CDH13: variants seen among roughly 807,000 people sequenced by gnomAD.
CDH13 encodes the protein cadherin 13, also known as cadherin-13.
Under a neutral mutation model 63.8 loss-of-function variants are expected in CDH13, and 24 were observed. The ratio of observed to expected loss-of-function variants is 0.38; its 90% CI spans 0.27 to 0.53. The LOEUF (loss-of-function observed/expected upper bound fraction) is 0.53. CDH13 is among the 20% of genes least tolerant of loss of function. The pLI is 0.85. For missense variants in CDH13, 1,049 were observed against 903.1 expected (o/e 1.16, Z -2.07); for synonymous variants, 503 against 355.3 (o/e 1.42, Z -4.67).
chr16:83,418,576 T>C (rs2151466852), intron 6 of CDH13, among the ~76,000 whole-genome samples: 1 of 152,312 alleles, frequency 6.6e-6, no homozygotes, highest in East Asian at 1.9e-4. Context: ...TCCGATGTCT[T>C]GGACATTTGC....
chr16:83,047,924 G>T lies in CDH13; in HGVS notation c.366+15706G>T, dbSNP rs566002207. ...GGGAGACTATGTGTGACCAGCACAG[G>T]GTCATACATCTAGAATATTTTGGAG... On this transcript the variant is annotated intron_variant, in intron 3 of 13. Coordinates refer to ENST00000567109, the MANE Select transcript of CDH13 (RefSeq NM_001257.5). The surrounding 1 kb of genome is among the most constrained non-coding windows in gnomAD (Gnocchi z 4.9). Among the ~76,000 whole-genome samples, 7 of 152,080 alleles carry T rather than the reference G, an allele frequency of 4.6e-5. No homozygotes were observed. The highest frequency in any genetic ancestry group is 1.7e-4 in the African/African-American group (7 of 41,470).
At chr16:83,021,860 T>C (rs1030621736) in intron 2 of CDH13, among the ~76,000 whole-genome samples, 2 of 152,166 alleles carry the variant, frequency 1.3e-5, no homozygotes, top group Admixed American at 6.6e-5. Flanking sequence ...CCAATACGCA[T>C]GTTCAGGAAG....
intron 4 of CDH13, among the ~76,000 whole-genome samples, chr16:83,148,949 T>G (rs1194842557): frequency 1.3e-5 from 2 of 152,180 alleles, no homozygotes; most frequent in Admixed American, 6.5e-5. Flanking sequence ...TAAATTAAGG[T>G]AATTGAAAAC....
At chr16:83,709,343 A>T (rs1347382599) in intron 10 of CDH13, among the ~76,000 whole-genome samples, 1 of 152,202 alleles carries the variant, frequency 6.6e-6, no homozygotes, top group Non-Finnish European at 1.5e-5. Flanking sequence ...GGAACCTGAG[A>T]TATTAACCTT....
intron 2 of CDH13, among the ~76,000 whole-genome samples, chr16:82,972,438 T>C (rs565802630): frequency 6.9e-4 from 105 of 152,302 alleles, no homozygotes; most frequent in African/African-American, 2.5e-3. Flanking sequence ...GCCCAGCATC[T>C]CATCTCTTCT....
intron 2 of CDH13, among the ~76,000 whole-genome samples, chr16:82,882,265 A>G (rs1298544329): frequency 1.3e-5 from 2 of 152,218 alleles, no homozygotes; most frequent in Admixed American, 6.5e-5. Context: ...GTTACTAGGC[A>G]GGGTTCCTTC....
chr16:82,731,181 G>C (rs1431203391), intron 1 of CDH13, among the ~76,000 whole-genome samples: 1 of 152,112 alleles, frequency 6.6e-6, no homozygotes, highest in South Asian at 2.1e-4. Flanking sequence ...ATGGCAGTCA[G>C]CAAACTTTTT....
chr16:83,139,907 C>A (rs558446224), intron 4 of CDH13, among the ~76,000 whole-genome samples: 1 of 152,186 alleles, frequency 6.6e-6, no homozygotes, highest in East Asian at 1.9e-4. Context: ...GAGGCTGAGG[C>A]AGGAGAATTG....
At chr16:82,989,157 A>G (rs1462361638) in intron 2 of CDH13, among the ~76,000 whole-genome samples, 1 of 152,204 alleles carries the variant, frequency 6.6e-6, no homozygotes, top group African/African-American at 2.4e-5. Flanking sequence ...TGAAGACTGA[A>G]TGGGTATCCA....
intron 3 of CDH13, among the ~76,000 whole-genome samples, chr16:83,050,844 C>G (rs1243102043): frequency 6.6e-6 from 1 of 152,148 alleles, no homozygotes; most frequent in African/African-American, 2.4e-5. Context: ...TGCACGGTTT[C>G]TTGCAGTGCC....
At chr16:83,038,884 G>A (rs553978742) in intron 3 of CDH13, among the ~76,000 whole-genome samples, 16 of 152,314 alleles carry the variant, frequency 1.1e-4, no homozygotes, top group Admixed American at 9.2e-4. Context: ...TATAGATCAT[G>A]GCAAGTAATT....
rs181520708 is a variant in CDH13, at chr16:83,749,106, T to A, written c.1681+856T>A. On this transcript the variant is annotated intron_variant, in intron 11 of 13. Transcript: ENST00000567109. ...ATGTTAAGCTGCAATGTGTATTGTG[T>A]CAATCACACAAGAAGTTTTGTTCTC... Among the ~76,000 whole-genome samples the A allele has an allele frequency of 2.0e-5, 3 of 152,338 alleles. No homozygotes were observed. The East Asian group carries it at 5.8e-4, about 29-fold the overall frequency.
At chr16:83,457,845 T>C (rs1308922251) in intron 6 of CDH13, among the ~76,000 whole-genome samples, 1 of 152,150 alleles carries the variant, frequency 6.6e-6, no homozygotes, top group Non-Finnish European at 1.5e-5. Flanking sequence ...TCTCCCAGAT[T>C]TCTGATTTGA....
At chr16:83,674,634 G>A (rs1914800202) in intron 9 of CDH13, among the ~76,000 whole-genome samples, 1 of 152,238 alleles carries the variant, frequency 6.6e-6, no homozygotes, top group African/African-American at 2.4e-5. Flanking sequence ...GCCCTAACCA[G>A]TTAGCAATCC....
At position 83,602,107 on chromosome 16, in the gene CDH13, C is replaced by CAAAAAAAAAAAAAAAAAA. The variant is rs869202510; in HGVS notation, c.961-328_961-311dup. ...CAAAAAAAAAAAAAAAGAACAACAA[C>CAAAAAAAAAAAAAAAAAA]AAAAAAAAAAAAAAAAAAAAAAAAA... On this transcript the variant is annotated intron_variant, in intron 7 of 13. Coordinates refer to ENST00000567109, the MANE Select transcript of CDH13 (RefSeq NM_001257.5). Among the ~76,000 whole-genome samples the CAAAAAAAAAAAAAAAAAA allele has an allele frequency of 7.5e-4, 6 of 7,960 alleles. 1 individual carries two copies. Among genetic ancestry groups the CAAAAAAAAAAAAAAAAAA allele is most frequent in the Non-Finnish European group, 1.1e-3 (6 of 5,368 alleles). The allele number at this position is 7,960 out of a possible 152,430, so 5.2% of individuals were successfully genotyped here.
At chr16:82,892,979 C>T (rs964752108) in intron 2 of CDH13, among the ~76,000 whole-genome samples, 44 of 152,254 alleles carry the variant, frequency 2.9e-4, no homozygotes, top group African/African-American at 9.4e-4. Flanking sequence ...GACCTGTGAA[C>T]GGTAACTTTA....
At chr16:83,273,196 T>C (rs1373136835) in intron 5 of CDH13, among the ~76,000 whole-genome samples, 1 of 152,134 alleles carries the variant, frequency 6.6e-6, no homozygotes, top group Non-Finnish European at 1.5e-5. Flanking sequence ...TTTAAACTTT[T>C]AGGTGCAGGG....
rs189161522 is a variant in CDH13, at chr16:83,096,450, G to A, written c.367-28935G>A. Among the ~76,000 whole-genome samples, 132 of 152,316 alleles carry A rather than the reference G, an allele frequency of 8.7e-4. 1 individual carries two copies. Among genetic ancestry groups the A allele is most frequent in the African/African-American group, 2.8e-3 (117 of 41,564 alleles). On this transcript the variant is annotated intron_variant, in intron 3 of 13. Transcript: ENST00000567109. ...ATACAAGATGGAAGGTATCCTCTCTGTACCATAGCTAAAGGATTGCTCACA... is the reference window on the plus strand; with the variant it reads ...ATACAAGATGGAAGGTATCCTCTCTATACCATAGCTAAAGGATTGCTCACA...
At chr16:82,690,764 C>T (rs1240234860) in intron 1 of CDH13, among the ~76,000 whole-genome samples, 1 of 152,228 alleles carries the variant, frequency 6.6e-6, no homozygotes, top group African/African-American at 2.4e-5. Flanking sequence ...ATGCAGCACA[C>T]CTGGCCTGGC....
Sources: gnomAD v4.1 joint callset for allele counts (sites outside exome capture counted in the v4.1 genomes callset) on GRCh38, gnomAD v4.1.1 for gene constraint, Gnocchi (gnomAD v3.1) non-coding constraint, MANE v1.5 for transcripts, NCBI Gene and HGNC (gene_info 2026-07-23, HGNC 2026-07-21) for gene names.